Variants in CEP170 observed in about 807,000 individuals in gnomAD.
The protein encoded by CEP170 is centrosomal protein 170.
A neutral mutation model predicts 151.9 loss-of-function variants in CEP170; 21 were observed. The observed-to-expected ratio is 0.14, with a 90% CI of 0.10 to 0.20. The LOEUF is 0.20. Ranked by LOEUF, CEP170 falls within the 10% of genes least tolerant of loss-of-function variation. The probability of loss-of-function intolerance (pLI) is 1.00; values close to 1 mark genes in which losing one functional copy is unlikely to be tolerated. For synonymous variants in CEP170, 356 were observed against 648.8 expected (o/e 0.55, Z 6.86); for missense variants, 964 against 1,892.9 (o/e 0.51, Z 9.11).
Position 243,126,202 on chromosome 1 carries a change from A to G in CEP170, c.*247T>C, listed in dbSNP as rs1161451461. ...TCATTAAATTCAATTTGAAAATCAT[A>G]AAACCACAAAAGGCGACACTGCCAC... On this transcript the variant is annotated 3_prime_UTR_variant, in exon 20 of 20. Coordinates refer to ENST00000366542, the MANE Select transcript of CEP170 (RefSeq NM_014812.3). 4.7e-5 allele frequency: 28 copies of G among 591,264 alleles called. No homozygotes were observed. The allele number at this position is 591,264 out of a possible 1,614,324, so 36.6% of individuals were successfully genotyped here. A position where few individuals can be genotyped will look rare whatever the true frequency, so the allele number is the denominator to read the frequency against.
intron 8 of CEP170, among the ~76,000 whole-genome samples, chr1:243,190,709 C>A (rs1298478553): frequency 6.6e-6 from 1 of 152,098 alleles, no homozygotes; most frequent in Non-Finnish European, 1.5e-5. Context: ...TGGAACTCAT[C>A]TTCTAGGGAA....
intron 11 of CEP170, 143 bp downstream of exon 11, chr1:243,172,554 C>T: frequency 3.5e-6 from 2 of 565,556 alleles, no homozygotes; most frequent in Non-Finnish European, 5.8e-6. Context: ...ATCACTTGAA[C>T]TCAGACGGCA....
intron 3 of CEP170, among the ~76,000 whole-genome samples, chr1:243,217,572 A>C (rs2062415613): frequency 1.3e-5 from 2 of 152,200 alleles, no homozygotes; most frequent in Admixed American, 1.3e-4. Context: ...CTAAAGTCTA[A>C]AAAGGCTTAG....
intron 7 of CEP170, among the ~76,000 whole-genome samples, chr1:243,196,610 A>C (rs1159848062): frequency 6.6e-6 from 1 of 152,130 alleles, no homozygotes; most frequent in Non-Finnish European, 1.5e-5. Context: ...TTTAACGGCA[A>C]GATAAAAATT....
chr1:243,215,593 C>T (rs960221815), intron 3 of CEP170, among the ~76,000 whole-genome samples: 1 of 152,186 alleles, frequency 6.6e-6, no homozygotes, highest in African/African-American at 2.4e-5. Flanking sequence ...TTTGGTCAGA[C>T]TGGTTGTCTG....
At chr1:243,189,366 C>G (rs1435531037) in intron 8 of CEP170, among the ~76,000 whole-genome samples, 1 of 151,888 alleles carries the variant, frequency 6.6e-6, no homozygotes, top group African/African-American at 2.4e-5. Context: ...ACCATCCTGG[C>G]TAACACGGTG....
chr1:243,206,290 C>T (rs544873247), intron 4 of CEP170, among the ~76,000 whole-genome samples: 22 of 152,242 alleles, frequency 1.4e-4, no homozygotes, highest in Admixed American at 3.3e-4. Context: ...TGTGCCACCA[C>T]GCCCAGCTAA....
At chr1:243,189,839 A>G (rs1000582163) in intron 8 of CEP170, among the ~76,000 whole-genome samples, 1 of 152,194 alleles carries the variant, frequency 6.6e-6, no homozygotes, top group Non-Finnish European at 1.5e-5. Flanking sequence ...TACAGAAACA[A>G]AATGTCTCAA....
At chr1:243,227,687 CT>C (rs898792679) in intron 1 of CEP170, among the ~76,000 whole-genome samples, 1 of 152,170 alleles carries the variant, frequency 6.6e-6, no homozygotes, top group Non-Finnish European at 1.5e-5. Context: ...CTACTTTGAT[CT>C]ATGCTAAAGA....
At chr1:243,252,685 A>G (rs560931329) in intron 1 of CEP170, among the ~76,000 whole-genome samples, 2 of 152,276 alleles carry the variant, frequency 1.3e-5, no homozygotes, top group East Asian at 3.9e-4. Flanking sequence ...CTCAGAACAC[A>G]ATGAAATTTA....
At chr1:243,179,143 C>T (rs1443950161) in intron 10 of CEP170, among the ~76,000 whole-genome samples, 1 of 152,212 alleles carries the variant, frequency 6.6e-6, no homozygotes, top group African/African-American at 2.4e-5. Flanking sequence ...ATAATCTCTT[C>T]CCTCCCATCA....
intron 13 of CEP170, among the ~76,000 whole-genome samples, chr1:243,158,496 G>A (rs1425762450): frequency 6.6e-6 from 1 of 152,122 alleles, no homozygotes; most frequent in Non-Finnish European, 1.5e-5. Context: ...GAATGGCATC[G>A]ATGGCTGATA....
At chr1:243,131,507 AC>A (rs1192036389) in intron 17 of CEP170, among the ~76,000 whole-genome samples, 2 of 151,720 alleles carry the variant, frequency 1.3e-5, no homozygotes, top group Non-Finnish European at 2.9e-5. Flanking sequence ...AAACAAAAAA[AC>A]AAAAAAACAA....
chr1:243,221,508 C>A, intron 3 of CEP170: 1 of 487,696 alleles, frequency 2.1e-6, no homozygotes. Flanking sequence ...CAATGACAAC[C>A]ACCTTCTGGA....
At chr1:243,231,184 CATCATCATTATTATT>C (rs1052584487) in intron 1 of CEP170, among the ~76,000 whole-genome samples, 7 of 129,692 alleles carry the variant, frequency 5.4e-5, no homozygotes, top group African/African-American at 1.8e-4. Flanking sequence ...TCATCATCAT[CATCATCATTATTATT>C]ATTATTATCA....
chr1:243,167,996 A>G (rs967069822), intron 12 of CEP170, among the ~76,000 whole-genome samples: 1 of 152,016 alleles, frequency 6.6e-6, no homozygotes, highest in Non-Finnish European at 1.5e-5. Context: ...AGATCATGAA[A>G]GCTAAGTGGT....
At chr1:243,197,436 C>G (rs1173849325) in intron 7 of CEP170, among the ~76,000 whole-genome samples, 2 of 152,054 alleles carry the variant, frequency 1.3e-5, no homozygotes, top group African/African-American at 2.4e-5. Context: ...ATCTAACTTG[C>G]CTTGCCAGGG....
chr1:243,186,992 G>A (rs1362632097), intron 8 of CEP170, among the ~76,000 whole-genome samples: 3 of 152,066 alleles, frequency 2.0e-5, no homozygotes, highest in African/African-American at 7.2e-5. Context: ...ATTAATTATT[G>A]CAAAATTTTT....
At chr1:243,220,400 A>G (rs753970657) in intron 3 of CEP170, among the ~76,000 whole-genome samples, 1 of 152,150 alleles carries the variant, frequency 6.6e-6, no homozygotes, top group African/African-American at 2.4e-5. Flanking sequence ...TTAATTCTAC[A>G]TGCTTTGAGA....
Sources: gnomAD v4.1 joint callset for allele counts (sites outside exome capture counted in the v4.1 genomes callset) on GRCh38, gnomAD v4.1.1 for gene constraint, MANE v1.5 for transcripts, NCBI Gene and HGNC (gene_info 2026-07-23, HGNC 2026-07-21) for gene names.